The following MGAM variants were observed in gnomAD, a reference collection of about 807,000 sequenced individuals.
MGAM encodes alpha-1,4-glucosidase.
Under a neutral mutation model 358.8 loss-of-function variants are expected in MGAM, and 253 were observed. The observed-to-expected ratio is 0.71, with a 90% CI of 0.64 to 0.78. The LOEUF is 0.78. Ranked by LOEUF, MGAM falls within the 30% of genes least tolerant of loss-of-function variation. The pLI is 0.00. For synonymous variants in MGAM, 1,105 were observed against 1,227.1 expected, an observed-to-expected ratio of 0.90 and a Z score of 2.08; for missense variants, 3,080 against 3,432.6, an observed-to-expected ratio of 0.90 and a Z score of 2.57.
chr7:142,102,257 A>G (rs150470808), intron 68 of MGAM, among the ~76,000 whole-genome samples: 124 of 152,332 alleles, frequency 8.1e-4, no homozygotes, highest in African/African-American at 3.0e-3. Context: ...ATGTGTACAT[A>G]CAGCAAAAGA....
chr7:142,057,091 T>A, intron 30 of MGAM, 149 bp downstream of exon 30: 1 of 735,302 alleles, frequency 1.4e-6, no homozygotes, highest in South Asian at 2.2e-5. Context: ...ATAAATACAT[T>A]CTAATTATCA....
Position 142,092,474 on chromosome 7 carries a change from C to A in MGAM, c.6946-47C>A, listed in dbSNP as rs542604934. Reference sequence around the variant, plus strand: ...CTTCCTTGGCTCAGAATTGGCAGGACGTAATTATCTTAAAAAGTGAGGTAT... The same window carrying A: ...CTTCCTTGGCTCAGAATTGGCAGGAAGTAATTATCTTAAAAAGTGAGGTAT... On this transcript the variant is annotated intron_variant, in intron 58 of 70. Transcript: ENST00000475668. The A allele has an allele frequency of 1.1e-5, 16 of 1,448,020 alleles. 2 individuals carry two copies. The highest frequency in any genetic ancestry group is 1.3e-5 in the Non-Finnish European group (14 of 1,051,614). The allele number at this position is 1,448,020 out of a possible 1,614,324, so 89.7% of individuals were successfully genotyped here.
rs115566106 is a variant in MGAM at position 142,050,088 on chromosome 7, C to T, written c.2588-147C>T. The T allele has an allele frequency of 2.0e-3, 1,461 of 712,884 alleles. 18 individuals carry two copies. In the African/African-American group the frequency reaches 0.024, roughly 12 times the overall value. 44.2% of individuals were successfully genotyped at this position (712,884 alleles called of 1,614,324 possible). ...TGAATGAATAAAGAAATGTGATACA[C>T]ATATACAATTGAAAATTATTCATCC... On this transcript the variant is annotated intron_variant, in intron 22 of 70. Coordinates refer to ENST00000475668, the MANE Select transcript of MGAM (RefSeq NM_001365693.1).
chr7:141,999,639 A>G (rs1276647633), intron 1 of MGAM, among the ~76,000 whole-genome samples: 6 of 152,246 alleles, frequency 3.9e-5, no homozygotes, highest in African/African-American at 1.2e-4. Context: ...GTTAACCATT[A>G]TTATCATTAG....
chr7:142,038,672 C>A (rs762026472), intron 19 of MGAM, 57 bp downstream of exon 19: 167 of 1,272,556 alleles, frequency 1.3e-4, no homozygotes, highest in Non-Finnish European at 1.8e-4. Context: ...TGCTGCCCTG[C>A]AAACTCCTCT....
intron 28 of MGAM, 122 bp downstream of exon 28, chr7:142,055,848 A>G: frequency 6.7e-7 from 1 of 1,495,648 alleles, no homozygotes; most frequent in Non-Finnish European, 9.1e-7. Flanking sequence ...CAAGTGGGCC[A>G]ATTCTCAGGC....
At chr7:141,998,639 G>A (rs574692892) in intron 1 of MGAM, among the ~76,000 whole-genome samples, 2 of 152,058 alleles carry the variant, frequency 1.3e-5, no homozygotes, top group South Asian at 4.1e-4. Flanking sequence ...GCCACATTTT[G>A]TTTATTCAGT....
chr7:142,081,078 T>G, intron 50 of MGAM, 133 bp downstream of exon 50: 1 of 886,320 alleles, frequency 1.1e-6, no homozygotes, highest in African/African-American at 1.6e-5. Flanking sequence ...GTTGTTTCCT[T>G]CAGACCTATT....
At chr7:142,074,340 G>A (rs1481139266) in intron 45 of MGAM, among the ~76,000 whole-genome samples, 167 bp downstream of exon 45, 1 of 145,964 alleles carries the variant, frequency 6.9e-6, no homozygotes, top group Non-Finnish European at 1.5e-5. Flanking sequence ...AGTGGTGGAC[G>A]AACTACTGAC....
intron 57 of MGAM, among the ~76,000 whole-genome samples, chr7:142,088,068 A>G (rs1385873158): frequency 6.8e-6 from 1 of 146,296 alleles, no homozygotes; most frequent in Non-Finnish European, 1.5e-5. Context: ...AGACAGAACC[A>G]CACAATCTGG....
In MGAM at chr7:142,063,578, A is replaced by C; in HGVS notation, c.4337A>C (p.Tyr1446Ser). ...GACGCCTCTCTGAACCACCCTCCCT[A>C]CATGCCACGTAAGAAGCCTTGGCCT... ...CRDASLNHPPYMPHLESRDRG... is the reference protein window; with the variant it reads ...CRDASLNHPPSMPHLESRDRG... Residue 1446 changes from tyrosine to serine, a missense_variant, in exon 36 of 71, where the codon TAC becomes TCC. Transcript: ENST00000475668. The C allele has an allele frequency of 1.1e-5, 18 of 1,613,410 alleles. No homozygotes were observed. The highest frequency in any genetic ancestry group is 1.5e-5 in the Non-Finnish European group (18 of 1,179,642).
chr7:141,988,339 A>C (rs1803799706), intron 2 of MGAM, among the ~76,000 whole-genome samples: 1 of 150,660 alleles, frequency 6.6e-6, no homozygotes, highest in Admixed American at 6.6e-5. Flanking sequence ...AAAACTGCAA[A>C]GTGTCACACA....
rs782504315 is a variant in MGAM at position 142,019,217 on chromosome 7, G to A, written c.346G>A (p.Gly116Ser). ...GTTTCAGGCCACATGTGACCAACGT[G>A]GCTGTTGCTGGAATCCCCAGGGAGC... ...PPTKATCDQR[G>S]CCWNPQGAVS... Residue 116 changes from glycine (G) to serine (S), a missense_variant, in exon 4 of 71, where the codon GGC becomes AGC. Gly to Ser is a moderately conservative substitution (Grantham distance 56). Coordinates refer to ENST00000475668, the MANE Select transcript of MGAM (RefSeq NM_001365693.1). 1.9e-5 allele frequency: 31 copies of A among 1,613,318 alleles called. No individual in the cohort carries two copies. The highest frequency in any genetic ancestry group is 2.5e-5 in the Non-Finnish European group (30 of 1,179,594).
rs780685275 is a variant in MGAM at position 142,076,866 on chromosome 7, T to C, written c.5493+40T>C. On this transcript the variant is annotated intron_variant, in intron 47 of 70. Transcript: ENST00000475668. ...TGTTGAGATGGTACATTGAGAATTCTCCATAGCACCATGATGTTTCTTCTT... is the reference window on the plus strand; with the variant it reads ...TGTTGAGATGGTACATTGAGAATTCCCCATAGCACCATGATGTTTCTTCTT... 4.6e-6 allele frequency: 7 copies of C among 1,525,442 alleles called. 1 individual carries two copies. The South Asian group carries it at 8.0e-5, about 17-fold the overall frequency. The allele number at this position is 1,525,442 out of a possible 1,614,324, so 94.5% of individuals were successfully genotyped here. A position where few individuals can be genotyped will look rare whatever the true frequency, so the allele number is the denominator to read the frequency against.
intron 4 of MGAM, among the ~76,000 whole-genome samples, chr7:142,020,290 C>A (rs1806321240): frequency 6.6e-6 from 1 of 151,854 alleles, no homozygotes; most frequent in East Asian, 1.9e-4. Flanking sequence ...ACCTGTAATG[C>A]AATATGAAAA....
chr7:142,088,640 ATCTT>A lies in MGAM; in HGVS notation c.6810+1927_6810+1930del, dbSNP rs1372676275. On this transcript the variant is annotated intron_variant, in intron 57 of 70. Transcript: ENST00000475668. Reference sequence around the variant, plus strand: ...CACTCTATCTACTCAGGTTATATCTATCTTTCTATCTGTCTGTCTATCTATCTAT... The same window carrying A: ...CACTCTATCTACTCAGGTTATATCTATCTATCTGTCTGTCTATCTATCTAT... 3.0e-5 allele frequency among the ~76,000 whole-genome samples: 4 copies of A among 132,522 alleles called. 1 individual carries two copies. The highest frequency in any genetic ancestry group is 7.8e-5 in the African/African-American group (3 of 38,322). 86.9% of individuals were successfully genotyped at this position (132,522 alleles called of 152,430 possible). A position where few individuals can be genotyped will look rare whatever the true frequency, so the allele number is the denominator to read the frequency against.
intron 27 of MGAM, 42 bp from the exon 28 acceptor site, chr7:142,055,516 A>G: frequency 6.2e-7 from 1 of 1,612,458 alleles, no homozygotes; most frequent in Non-Finnish European, 8.5e-7. Context: ...AACAGAGATA[A>G]AAGCTCATTT....
intron 3 of MGAM, among the ~76,000 whole-genome samples, chr7:142,011,715 C>G (rs1371497258): frequency 6.6e-6 from 1 of 152,134 alleles, no homozygotes; most frequent in Non-Finnish European, 1.5e-5. Flanking sequence ...CTATTGAACA[C>G]TATACTAACC....
chr7:142,047,679 T>A, intron 21 of MGAM, 106 bp from the exon 22 acceptor site: 1 of 1,029,554 alleles, frequency 9.7e-7, no homozygotes. Context: ...CAGAACCATC[T>A]GCTGCTAGTA....
Sources: gnomAD v4.1 joint callset for allele counts (sites outside exome capture counted in the v4.1 genomes callset) on GRCh38, gnomAD v4.1.1 for gene constraint, MANE v1.5 for transcripts, NCBI Gene and HGNC (gene_info 2026-07-23, HGNC 2026-07-21) for gene names.